The following MGAT4C variants were observed in gnomAD, a reference collection of about 807,000 sequenced individuals.
The protein encoded by MGAT4C is MGAT4 family member C.
Under a neutral mutation model 40.1 loss-of-function variants are expected in MGAT4C, and 19 were observed. The ratio of observed to expected loss-of-function variants is 0.47; its 90% CI spans 0.33 to 0.70. The LOEUF (loss-of-function observed/expected upper bound fraction) is 0.70, where lower values mean the gene tolerates loss of function less well. MGAT4C is among the 30% of genes least tolerant of loss of function. MGAT4C has a pLI of 0.02. For missense variants in MGAT4C, 491 were observed against 563.2 expected, an observed-to-expected ratio of 0.87 and a Z score of 1.30; for synonymous variants, 181 against 187.1, an observed-to-expected ratio of 0.97 and a Z score of 0.27.
intron 1 of MGAT4C, among the ~76,000 whole-genome samples, chr12:86,799,039 C>T (rs1285905739): frequency 6.6e-6 from 1 of 151,772 alleles, no homozygotes; most frequent in Non-Finnish European, 1.5e-5. Context: ...GAACCAGTTA[C>T]AAATTAGCAA....
At chr12:86,405,591 C>T (rs1185235375) in intron 3 of MGAT4C, among the ~76,000 whole-genome samples, 1 of 151,870 alleles carries the variant, frequency 6.6e-6, no homozygotes, top group Non-Finnish European at 1.5e-5. Context: ...ATTCTTATCA[C>T]AATTTCTGAA....
At chr12:86,485,814 A>T (rs998287819) in intron 2 of MGAT4C, among the ~76,000 whole-genome samples, 1 of 152,158 alleles carries the variant, frequency 6.6e-6, no homozygotes, top group Non-Finnish European at 1.5e-5. Context: ...ATAAATCTTA[A>T]CAGCAGCTAG....
At chr12:86,038,967 G>GT (rs147676532) in intron 2 of MGAT4C, among the ~76,000 whole-genome samples, 54,664 of 147,748 alleles carry the variant, frequency 0.37, 12,526 homozygotes, top group African/African-American at 0.42. Flanking sequence ...TCTGCAAAAG[G>GT]TTTTTTTTCT....
chr12:86,566,531 CATATATATATATATATATATATAT>C (rs71078910), intron 2 of MGAT4C, among the ~76,000 whole-genome samples: 5,406 of 40,100 alleles, frequency 0.13, 575 homozygotes, highest in African/African-American at 0.32. Context: ...AACTCATATA[CATATATATATATATATATATATAT>C]ATATATATAT....
chr12:86,399,854 T>C (rs1244972763), intron 3 of MGAT4C, among the ~76,000 whole-genome samples: 1 of 152,230 alleles, frequency 6.6e-6, no homozygotes, highest in Non-Finnish European at 1.5e-5. Context: ...CTTTAAAATA[T>C]GCTTTATAAT....
intron 2 of MGAT4C, among the ~76,000 whole-genome samples, chr12:86,034,696 A>G (rs901960373): frequency 8.7e-5 from 13 of 149,156 alleles, no homozygotes; most frequent in Non-Finnish European, 1.2e-4. Flanking sequence ...TGTCATCTAC[A>G]TTAGATATTT....
At chr12:86,499,157 C>G (rs150150564) in intron 2 of MGAT4C, among the ~76,000 whole-genome samples, 12 of 151,646 alleles carry the variant, frequency 7.9e-5, no homozygotes, top group African/African-American at 2.7e-4. Flanking sequence ...TATTAATAAG[C>G]CTTCATTGAC....
intron 1 of MGAT4C, among the ~76,000 whole-genome samples, chr12:86,245,167 A>T (rs1951971369): frequency 6.6e-6 from 1 of 152,134 alleles, no homozygotes; most frequent in Admixed American, 6.5e-5. Flanking sequence ...ACTAATAGAA[A>T]CACCAACTCA....
chr12:86,278,932 C>T (rs1375482628), intron 4 of MGAT4C, among the ~76,000 whole-genome samples: 1 of 104,164 alleles, frequency 9.6e-6, no homozygotes, highest in Non-Finnish European at 2.2e-5. Context: ...TTGAAATTAT[C>T]ATATAGGTTT....
intron 3 of MGAT4C, among the ~76,000 whole-genome samples, chr12:86,429,516 T>C (rs954102898): frequency 2.0e-5 from 3 of 152,188 alleles, no homozygotes; most frequent in African/African-American, 7.2e-5. Context: ...GTTTCCTTAC[T>C]GATTTTCCAT....
intron 3 of MGAT4C, among the ~76,000 whole-genome samples, chr12:86,341,047 G>A (rs1232875227): frequency 1.3e-5 from 2 of 152,156 alleles, no homozygotes; most frequent in Non-Finnish European, 2.9e-5. Context: ...CTCTCACGGA[G>A]AGGAACAAAA....
chr12:86,652,095 C>T (rs1184153755), intron 2 of MGAT4C, among the ~76,000 whole-genome samples: 3 of 151,830 alleles, frequency 2.0e-5, no homozygotes, highest in African/African-American at 7.2e-5. Flanking sequence ...AACTTACTTG[C>T]ATTGCTTATG....
At chr12:86,264,356 T>A (rs1952732267) in intron 4 of MGAT4C, among the ~76,000 whole-genome samples, 1 of 152,126 alleles carries the variant, frequency 6.6e-6, no homozygotes, top group African/African-American at 2.4e-5. Context: ...TTGTATATGG[T>A]GAGAGATAGG....
chr12:86,034,222 T>C (rs373954385), intron 2 of MGAT4C, among the ~76,000 whole-genome samples: 1 of 149,744 alleles, frequency 6.7e-6, no homozygotes, highest in Non-Finnish European at 1.5e-5. Context: ...TCTGTTTTCA[T>C]TGTGTCTCTG....
intron 1 of MGAT4C, among the ~76,000 whole-genome samples, chr12:86,055,549 T>C (rs1893300886): frequency 6.6e-6 from 1 of 152,054 alleles, no homozygotes; most frequent in Non-Finnish European, 1.5e-5. Context: ...AAGAACACTA[T>C]CCCTGTCTAT....
At chr12:86,413,013 C>T (rs1273528135) in intron 3 of MGAT4C, among the ~76,000 whole-genome samples, 1 of 152,086 alleles carries the variant, frequency 6.6e-6, no homozygotes, top group African/African-American at 2.4e-5. Context: ...CCATGTAAGG[C>T]TGTATTTTTT....
chr12:86,210,126 G>A (rs1950403646), intron 1 of MGAT4C, among the ~76,000 whole-genome samples: 1 of 152,098 alleles, frequency 6.6e-6, no homozygotes, highest in Non-Finnish European at 1.5e-5. Flanking sequence ...ATCAATTTCA[G>A]AACATGCTTT....
intron 1 of MGAT4C, among the ~76,000 whole-genome samples, chr12:86,062,364 A>T (rs1251978346): frequency 6.6e-6 from 1 of 152,172 alleles, no homozygotes; most frequent in Non-Finnish European, 1.5e-5. Flanking sequence ...CAGAGACCCC[A>T]TCTGAAGATC....
At chr12:86,762,353 A>G (rs1340696888) in intron 1 of MGAT4C, among the ~76,000 whole-genome samples, 3 of 151,978 alleles carry the variant, frequency 2.0e-5, no homozygotes, top group Non-Finnish European at 4.4e-5. Flanking sequence ...GCCTGGCCCT[A>G]AGGCTACACT....
Sources: allele counts gnomAD v4.1 joint callset (sites outside exome capture counted in the v4.1 genomes callset), GRCh38; gene constraint gnomAD v4.1.1; transcripts MANE v1.5; gene names NCBI Gene and HGNC (gene_info 2026-07-23, HGNC 2026-07-21).